LCMT1: variants seen among roughly 807,000 people sequenced by gnomAD.
LCMT1 encodes [Phosphatase 2A protein]-leucine-carboxy methyltransferase 1.
Under a neutral mutation model 47.7 loss-of-function variants are expected in LCMT1, and 32 were observed. The observed-to-expected ratio is 0.67, with a 90% CI of 0.51 to 0.90. LCMT1 has a LOEUF of 0.90. Ranked by LOEUF, LCMT1 falls within the 40% of genes least tolerant of loss-of-function variation. The probability of loss-of-function intolerance (pLI) is 0.00; values close to 1 mark genes in which losing one functional copy is unlikely to be tolerated. For synonymous variants in LCMT1, 152 were observed against 149.7 expected (o/e 1.02, Z -0.11); for missense variants, 375 against 415.2 (o/e 0.90, Z 0.84).
intron 1 of LCMT1, among the ~76,000 whole-genome samples, chr16:25,116,947 AGCAGGAGCAGAG>A (rs781674403): frequency 9.9e-5 from 15 of 152,014 alleles, no homozygotes; most frequent in Non-Finnish European, 1.5e-4. Flanking sequence ...AGAAGACAGT[AGCAGGAGCAGAG>A]GCATGGAGAC....
At chr16:25,136,242 G>A (rs1960501021) in intron 3 of LCMT1, among the ~76,000 whole-genome samples, 1 of 151,896 alleles carries the variant, frequency 6.6e-6, no homozygotes, top group Admixed American at 6.6e-5. Flanking sequence ...AGGGAAGCAG[G>A]GTCAATTTTG....
Position 25,169,099 on chromosome 16 carries a change from CT to C in LCMT1, c.691-10del. ...CCCTTAGAGTAATATCTTACCTTCTCTTTCCCTCCTAGGTGAACATGGGTGA... is the reference window on the plus strand; with the variant it reads ...CCCTTAGAGTAATATCTTACCTTCTCTTCCCTCCTAGGTGAACATGGGTGA... On this transcript the variant is annotated splice_polypyrimidine_tract_variant and intron_variant, in intron 7 of 10. Transcript: ENST00000399069. 6.3e-7 allele frequency: 1 copy of C among 1,583,938 alleles called. No homozygotes were observed. The highest frequency in any genetic ancestry group is 8.7e-7 in the Non-Finnish European group (1 of 1,153,370).
chr16:25,176,301 A>G (rs961650475), intron 10 of LCMT1, among the ~76,000 whole-genome samples: 5 of 152,090 alleles, frequency 3.3e-5, no homozygotes, highest in Non-Finnish European at 5.9e-5. Flanking sequence ...CCTTCAGTGG[A>G]ATAGCTGCCC....
At chr16:25,164,424 C>T (rs1192455570) in intron 6 of LCMT1, among the ~76,000 whole-genome samples, 174 bp from the exon 7 acceptor site, 1 of 152,126 alleles carries the variant, frequency 6.6e-6, no homozygotes. Flanking sequence ...GTAGAAAGCT[C>T]GGATTGTGAC....
intron 5 of LCMT1, among the ~76,000 whole-genome samples, chr16:25,158,135 T>C (rs1052237470): frequency 6.6e-6 from 1 of 152,214 alleles, no homozygotes; most frequent in African/African-American, 2.4e-5. Context: ...CACATCCACA[T>C]TGGCACAATA....
chr16:25,174,184 T>G (rs1484029590), intron 9 of LCMT1, among the ~76,000 whole-genome samples: 1 of 152,370 alleles, frequency 6.6e-6, no homozygotes, highest in South Asian at 2.1e-4. Flanking sequence ...AGTGCTGGGA[T>G]TACAGGCGTG....
chr16:25,168,047 G>A (rs978162560), intron 7 of LCMT1, among the ~76,000 whole-genome samples: 2 of 143,830 alleles, frequency 1.4e-5, no homozygotes, highest in Admixed American at 7.1e-5. Context: ...GTGAGCTACC[G>A]CACCCAGCCT....
chr16:25,136,853 A>G (rs553853813), intron 3 of LCMT1, among the ~76,000 whole-genome samples: 2 of 152,130 alleles, frequency 1.3e-5, no homozygotes, highest in East Asian at 3.9e-4. Flanking sequence ...GTCTTTCTTA[A>G]GCGCTCCGGG....
At position 25,128,489 on chromosome 16, in the gene LCMT1, T is replaced by C. The variant is rs1208772998; in HGVS notation, c.128T>C (p.Ile43Thr). Residue 43 changes from isoleucine (I) to threonine (T), a missense_variant, in exon 2 of 11, where the codon ATT (isoleucine) becomes ACT (threonine). Transcript: ENST00000399069. ...ASLCKRFAVS[I>T]GYWHDPYIQH... Reference sequence around the variant, plus strand: ...CTCCCTTCCAGGTTTGCAGTAAGCATTGGCTACTGGCATGACCCTTACATA... The same window carrying C: ...CTCCCTTCCAGGTTTGCAGTAAGCACTGGCTACTGGCATGACCCTTACATA... 6.2e-7 allele frequency: 1 copy of C among 1,610,010 alleles called. No individual in the cohort carries two copies. Among genetic ancestry groups the C allele is most frequent in the East Asian group, 2.2e-5 (1 of 44,806 alleles).
chr16:25,154,328 A>C (rs1293230983), intron 5 of LCMT1, among the ~76,000 whole-genome samples: 1 of 151,844 alleles, frequency 6.6e-6, no homozygotes, highest in African/African-American at 2.4e-5. Context: ...TATTATTTAA[A>C]AAAAATTATG....
intron 4 of LCMT1, chr16:25,143,975 G>A (rs532028355): frequency 1.3e-5 from 2 of 152,318 alleles, no homozygotes; most frequent in East Asian, 3.9e-4. Context: ...TAGGTGATTA[G>A]GAAGGTTGGT....
chr16:25,124,497 A>G (rs1318240744), intron 1 of LCMT1, among the ~76,000 whole-genome samples: 2 of 152,224 alleles, frequency 1.3e-5, no homozygotes, highest in Non-Finnish European at 2.9e-5. Context: ...GTAGGATCTT[A>G]TGGGGGTTCC....
At chr16:25,168,251 GT>G (rs1265049690) in intron 7 of LCMT1, among the ~76,000 whole-genome samples, 1 of 152,036 alleles carries the variant, frequency 6.6e-6, no homozygotes, top group African/African-American at 2.4e-5. Context: ...GTTTCACCAT[GT>G]TGGCCAGGCT....
intron 2 of LCMT1, among the ~76,000 whole-genome samples, chr16:25,131,058 A>G (rs1960337269): frequency 6.6e-6 from 1 of 152,250 alleles, no homozygotes; most frequent in Admixed American, 6.5e-5. Flanking sequence ...CCATCAAGGA[A>G]GTCAAAGGCT....
chr16:25,117,822 G>A (rs35423059), intron 1 of LCMT1, among the ~76,000 whole-genome samples: 42,371 of 150,970 alleles, frequency 0.28, 7,159 homozygotes, highest in East Asian at 0.49. Flanking sequence ...ACTGCATTCC[G>A]GCCTGGGCGA....
At chr16:25,134,076 T>G (rs368860267) in intron 3 of LCMT1, among the ~76,000 whole-genome samples, 25 of 152,182 alleles carry the variant, frequency 1.6e-4, no homozygotes, top group African/African-American at 6.0e-4. Flanking sequence ...CATTTTTTTT[T>G]TGTAGGTTTG....
chr16:25,140,795 C>G (rs1960663023), intron 4 of LCMT1: 1 of 153,676 alleles, frequency 6.5e-6, no homozygotes, highest in African/African-American at 2.4e-5. Flanking sequence ...AGTGTTCCTT[C>G]CTGAGGTGGG....
rs75747703 is a variant in LCMT1, at chr16:25,175,211, A to T, written c.982+177A>T. Among the ~76,000 whole-genome samples, 1,070 of 152,204 alleles carry T rather than the reference A, an allele frequency of 7.0e-3. 48 individuals are homozygous for T. The East Asian group carries it at 0.13, about 19-fold the overall frequency. ...GGCTAGAGTGCAGTGGCACGGTCATAGCTCATTGCAGCCTTCAATTCCTGG... is the reference window on the plus strand; with the variant it reads ...GGCTAGAGTGCAGTGGCACGGTCATTGCTCATTGCAGCCTTCAATTCCTGG... On this transcript the variant is annotated intron_variant, in intron 10 of 10. Transcript: ENST00000399069.
chr16:25,121,165 C>T (rs1959974958), intron 1 of LCMT1, among the ~76,000 whole-genome samples: 1 of 151,938 alleles, frequency 6.6e-6, no homozygotes, highest in South Asian at 2.1e-4. Flanking sequence ...TGGTGGCTCA[C>T]GCCTGTAATC....
Sources: gnomAD v4.1 joint callset for allele counts (sites outside exome capture counted in the v4.1 genomes callset) on GRCh38, gnomAD v4.1.1 for gene constraint, MANE v1.5 for transcripts, NCBI Gene and HGNC (gene_info 2026-07-23, HGNC 2026-07-21) for gene names.